Variants in DCDC1 observed in about 807,000 individuals in gnomAD.
The protein encoded by DCDC1 is doublecortin domain-containing protein 1.
Under a neutral mutation model 178.3 loss-of-function variants are expected in DCDC1, and 200 were observed. That is an observed-to-expected ratio of 1.12 (90% CI 1.00 to 1.26). The LOEUF (loss-of-function observed/expected upper bound fraction) is 1.26. DCDC1 is among the 50% of genes most tolerant of loss of function. The probability of loss-of-function intolerance (pLI) is 0.00; values close to 1 mark genes in which losing one functional copy is unlikely to be tolerated. For synonymous variants in DCDC1, 690 were observed against 604.8 expected (o/e 1.14, Z -2.07); for missense variants, 1,983 against 1,749.2 (o/e 1.13, Z -2.38).
chr11:31,267,937 T>C (rs1195898096), intron 7 of DCDC1, among the ~76,000 whole-genome samples: 1 of 152,186 alleles, frequency 6.6e-6, no homozygotes, highest in East Asian at 1.9e-4. Context: ...AATGGATCAC[T>C]TTCACCACCA....
chr11:31,127,126 C>G (rs1591139806), intron 11 of DCDC1, among the ~76,000 whole-genome samples: 2 of 152,244 alleles, frequency 1.3e-5, no homozygotes, highest in East Asian at 3.9e-4. Context: ...GCCCATTTCT[C>G]CAAATGTTAT....
At chr11:31,233,303 T>C (rs533451808) in intron 9 of DCDC1, among the ~76,000 whole-genome samples, 1 of 152,228 alleles carries the variant, frequency 6.6e-6, no homozygotes, top group Non-Finnish European at 1.5e-5. Flanking sequence ...CTTATTTTTA[T>C]ACTGATAAGC....
intron 20 of DCDC1, among the ~76,000 whole-genome samples, chr11:31,030,619 T>C (rs1367773732): frequency 1.3e-5 from 2 of 152,116 alleles, no homozygotes; most frequent in Admixed American, 6.5e-5. Context: ...CTGTCAGGAA[T>C]AGAGTGCATA....
intron 35 of DCDC1, 65 bp from the exon 36 acceptor site, chr11:30,893,062 G>A (rs1943919996): frequency 1.3e-6 from 2 of 1,549,120 alleles, no homozygotes; most frequent in African/African-American, 1.4e-5. Context: ...TGTGAAGAAT[G>A]TGATAAAATC....
chr11:31,334,791 A>G (rs1449762327), intron 2 of DCDC1, among the ~76,000 whole-genome samples: 11 of 151,966 alleles, frequency 7.2e-5, no homozygotes, highest in Admixed American at 7.2e-4. Flanking sequence ...CCAGAGGGGT[A>G]CCCGCCTATA....
At position 31,328,186 on chromosome 11, in the gene DCDC1, C is replaced by T; in HGVS notation, c.95G>A (p.Ser32Asn). The T allele has an allele frequency of 6.2e-7, 1 of 1,612,298 alleles. No individual in the cohort carries two copies. Among genetic ancestry groups the T allele is most frequent in the South Asian group, 1.1e-5 (1 of 90,870 alleles). Residue 32 changes from serine (S) to asparagine (N), a missense_variant, in exon 3 of 39, where the codon AGC (serine) becomes AAC (asparagine). By Grantham distance (46) the Ser-to-Asn change is conservative. Transcript: ENST00000684477. ...ATTCCCATCCAAAGTGCCTTCAGGGCTACTTTGCTGTAATACTTCCATTGC... is the reference window on the plus strand; with the variant it reads ...ATTCCCATCCAAAGTGCCTTCAGGGTTACTTTGCTGTAATACTTCCATTGC... ...TEAMEVLQQS[S>N]PEGTLDGNTV...
At chr11:31,171,908 C>G (rs1967293221) in intron 9 of DCDC1, among the ~76,000 whole-genome samples, 4 of 152,118 alleles carry the variant, frequency 2.6e-5, no homozygotes, top group Admixed American at 2.0e-4. Context: ...TTCAACTGAT[C>G]TAATAATCAT....
chr11:31,150,301 A>G (rs569773098), intron 9 of DCDC1, among the ~76,000 whole-genome samples: 5 of 152,348 alleles, frequency 3.3e-5, no homozygotes, highest in African/African-American at 1.2e-4. Context: ...CAAAAATAAG[A>G]GGATTAGTAA....
chr11:31,102,210 CT>C lies in DCDC1; in HGVS notation c.1949del (p.Lys650ArgfsTer13). 4.1e-6 allele frequency: 3 copies of C among 731,834 alleles called. No individual in the cohort carries two copies. Among genetic ancestry groups the C allele is most frequent in the Non-Finnish European group, 7.6e-6 (3 of 396,942 alleles). The allele number at this position is 731,834 out of a possible 1,614,324, so 45.3% of individuals were successfully genotyped here. ...GTAGAAAATGGTTCTCCAAGTCCAC[CT>C]TTTCAAACTGGTCAGGTATCTGTTG... is the stretch of plus-strand genomic sequence containing the variant. ...TSQQIPDQFE[K>X]VDLENHFLQN... On this transcript the variant is annotated frameshift_variant, in exon 15 of 39. Transcript: ENST00000684477. LOFTEE classifies it high-confidence loss of function.
chr11:31,123,148 T>G (rs1225010064), intron 11 of DCDC1, among the ~76,000 whole-genome samples: 1 of 152,046 alleles, frequency 6.6e-6, no homozygotes, highest in African/African-American at 2.4e-5. Context: ...CAATAAAACA[T>G]GAAATCAAGC....
chr11:31,085,744 G>A (rs7931801), intron 17 of DCDC1, among the ~76,000 whole-genome samples: 2,280 of 152,100 alleles, frequency 0.015, 49 homozygotes, highest in African/African-American at 0.051. Context: ...GTCTCGCTCT[G>A]TCACTCAGGG....
rs34084502 is a variant in DCDC1, at chr11:31,309,140, GTT to G, written c.165-1234_165-1233del. 6.4e-3 allele frequency among the ~76,000 whole-genome samples: 917 copies of G among 144,038 alleles called. 6 individuals carry two copies. Among genetic ancestry groups the G allele is most frequent in the Middle Eastern group, 0.01 (3 of 292 alleles). 94.5% of individuals were successfully genotyped at this position (144,038 alleles called of 152,430 possible). ...GTCACACATCAGAGGGAAAATAGAT[GTT>G]TGTGTGTGTGTGTGTGTGTGTGTGT... On this transcript the variant is annotated intron_variant, in intron 3 of 38. Transcript: ENST00000684477.
At chr11:31,250,991 G>A (rs1162837012) in intron 8 of DCDC1, among the ~76,000 whole-genome samples, 2 of 152,096 alleles carry the variant, frequency 1.3e-5, no homozygotes, top group Non-Finnish European at 2.9e-5. Flanking sequence ...TTGACCTTGT[G>A]ATCCATCCAC....
At chr11:31,136,529 A>G (rs559997260) in intron 10 of DCDC1, among the ~76,000 whole-genome samples, 2 of 152,262 alleles carry the variant, frequency 1.3e-5, no homozygotes, top group African/African-American at 4.8e-5. Context: ...CATGGTTAGT[A>G]AGGAAGATGA....
At chr11:31,042,540 A>G (rs551394185) in intron 20 of DCDC1, among the ~76,000 whole-genome samples, 1 of 152,252 alleles carries the variant, frequency 6.6e-6, no homozygotes, top group African/African-American at 2.4e-5. Context: ...GAGGTTCCCT[A>G]AAGCATAGTT....
chr11:31,027,274 C>A (rs868771080), intron 20 of DCDC1, among the ~76,000 whole-genome samples: 2 of 151,786 alleles, frequency 1.3e-5, no homozygotes, highest in African/African-American at 4.8e-5. Flanking sequence ...CAAATGATAT[C>A]TCTTCATAAT....
At chr11:31,063,087 A>G (rs1344046419) in intron 20 of DCDC1, among the ~76,000 whole-genome samples, 3 of 151,786 alleles carry the variant, frequency 2.0e-5, no homozygotes, top group Admixed American at 6.6e-5. Flanking sequence ...GCAGCCAAAA[A>G]ACACATCAAA....
At position 31,319,347 on chromosome 11, in the gene DCDC1, T is replaced by C. The variant is rs915720753; in HGVS notation, c.164+8770A>G. The stretch of plus-strand genomic sequence containing the variant: ...CTTTATGAATCTGGGTGCTCCTGTA[T>C]TGGGTGCATAAATATTTAGGATAGT... On this transcript the variant is annotated intron_variant, in intron 3 of 38. Coordinates refer to ENST00000684477, the MANE Select transcript of DCDC1 (RefSeq NM_001387274.1). 3.4e-5 allele frequency among the ~76,000 whole-genome samples: 2 copies of C among 58,748 alleles called. 1 individual carries two copies. Among genetic ancestry groups the C allele is most frequent in the African/African-American group, 3.6e-4 (2 of 5,546 alleles). 38.5% of individuals were successfully genotyped at this position (58,748 alleles called of 152,430 possible).
chr11:30,993,090 T>C (rs1187116523), intron 20 of DCDC1, among the ~76,000 whole-genome samples: 2 of 152,088 alleles, frequency 1.3e-5, no homozygotes, highest in Non-Finnish European at 2.9e-5. Context: ...AAAAAAATTA[T>C]ATAAAAATTA....
Sources: gnomAD v4.1 joint callset for allele counts (sites outside exome capture counted in the v4.1 genomes callset) on GRCh38, gnomAD v4.1.1 for gene constraint, MANE v1.5 for transcripts, NCBI Gene and HGNC (gene_info 2026-07-23, HGNC 2026-07-21) for gene names.